RBPMS: variants seen among roughly 807,000 people sequenced by gnomAD.
RBPMS encodes the protein RNA binding protein, mRNA processing factor.
In RBPMS, 7 loss-of-function variants were observed where a neutral mutation model predicts 26.8. The ratio of observed to expected loss-of-function variants is 0.26; its 90% CI spans 0.15 to 0.49. RBPMS has a LOEUF of 0.49. RBPMS is among the 20% of genes least tolerant of loss of function. RBPMS has a pLI of 0.98. For missense variants in RBPMS, 186 were observed against 250.0 expected, an observed-to-expected ratio of 0.74 and a Z score of 1.73; for synonymous variants, 96 against 93.3, an observed-to-expected ratio of 1.03 and a Z score of -0.17.
intron 1 of RBPMS, among the ~76,000 whole-genome samples, chr8:30,422,163 T>TC (rs1810873758): frequency 6.6e-6 from 1 of 151,610 alleles, no homozygotes; most frequent in African/African-American, 2.4e-5. Context: ...TCTTGCTCTG[T>TC]CACCCAGGCT....
chr8:30,559,122 T>C (rs892270673), intron 7 of RBPMS, among the ~76,000 whole-genome samples, 166 bp downstream of exon 7: 2 of 152,236 alleles, frequency 1.3e-5, no homozygotes, highest in African/African-American at 4.8e-5. Context: ...GTGCATCTTT[T>C]CCGAGAGGAA....
intron 4 of RBPMS, among the ~76,000 whole-genome samples, chr8:30,497,965 A>G (rs1442470223): frequency 1.3e-5 from 2 of 151,424 alleles, no homozygotes; most frequent in African/African-American, 4.9e-5. Flanking sequence ...CTTGAGTTTC[A>G]TTGGCTGTGG....
intron 1 of RBPMS, among the ~76,000 whole-genome samples, chr8:30,417,006 G>A (rs1298493532): frequency 6.6e-6 from 1 of 152,150 alleles, no homozygotes; most frequent in Non-Finnish European, 1.5e-5. Context: ...CTGACCTCAA[G>A]TGATCCTGCC....
At chr8:30,485,793 G>T (rs1348863958) in intron 4 of RBPMS, among the ~76,000 whole-genome samples, 1 of 152,164 alleles carries the variant, frequency 6.6e-6, no homozygotes, top group African/African-American at 2.4e-5. Flanking sequence ...TAGTTAACAA[G>T]TGCCCAGTGT....
chr8:30,533,815 G>A (rs1824509975), intron 5 of RBPMS, among the ~76,000 whole-genome samples: 1 of 152,094 alleles, frequency 6.6e-6, no homozygotes, highest in South Asian at 2.1e-4. Context: ...AGAATGCCAG[G>A]TTAAATTATT....
At chr8:30,480,076 A>G (rs1023655854) in intron 4 of RBPMS, among the ~76,000 whole-genome samples, 1 of 152,234 alleles carries the variant, frequency 6.6e-6, no homozygotes, top group Non-Finnish European at 1.5e-5. Context: ...GGAAGGAAGC[A>G]GAATGTGGTT....
In RBPMS at chr8:30,433,217, C is replaced by CT. The variant is rs1424055961; in HGVS notation, c.67-41559dup. 3.9e-5 allele frequency among the ~76,000 whole-genome samples: 6 copies of CT among 152,202 alleles called. No homozygotes were observed. In the East Asian group the frequency reaches 1.2e-3, roughly 29 times the overall value. ...GTCATTACTAAAAGAGATTCCATTT[C>CT]TTTCTGGGGCCTAAGTTAAGATGAC... On this transcript the variant is annotated intron_variant, in intron 1 of 8. Transcript: ENST00000397323.
chr8:30,556,445 G>T, intron 6 of RBPMS: 1 of 985,872 alleles, frequency 1.0e-6, no homozygotes, highest in Non-Finnish European at 1.2e-6. Context: ...CCTTCTCGCA[G>T]TCACCTGCAC....
chr8:30,531,326 G>A (rs1824202473), intron 5 of RBPMS, among the ~76,000 whole-genome samples: 1 of 140,744 alleles, frequency 7.1e-6, no homozygotes, highest in Admixed American at 7.5e-5. Flanking sequence ...CCAAAGATCT[G>A]AAGTCATGCC....
At chr8:30,511,510 TATATATATATATATA>T in intron 5 of RBPMS, among the ~76,000 whole-genome samples, 1 of 8,922 alleles carries the variant, frequency 1.1e-4, no homozygotes, top group African/African-American at 1.7e-4. Context: ...TATATATATA[TATATATATATATATA>T]TTTCTGTGTG....
chr8:30,516,074 A>C (rs1373577175), intron 5 of RBPMS, among the ~76,000 whole-genome samples: 2 of 152,206 alleles, frequency 1.3e-5, no homozygotes, highest in African/African-American at 2.4e-5. Context: ...TTCTGGTCCT[A>C]ATAATTTAAA....
intron 1 of RBPMS, among the ~76,000 whole-genome samples, chr8:30,451,847 T>C (rs1814623763): frequency 6.6e-6 from 1 of 152,144 alleles, no homozygotes; most frequent in Non-Finnish European, 1.5e-5. Flanking sequence ...GGCAGGCAAA[T>C]AGAACAGTGT....
chr8:30,522,611 G>T (rs1259763692), intron 5 of RBPMS, among the ~76,000 whole-genome samples: 2 of 152,164 alleles, frequency 1.3e-5, no homozygotes, highest in South Asian at 2.1e-4. Flanking sequence ...TTTTTAAAAA[G>T]GATAGGAGGA....
At chr8:30,501,518 T>C (rs947334457) in intron 4 of RBPMS, among the ~76,000 whole-genome samples, 17 of 152,266 alleles carry the variant, frequency 1.1e-4, no homozygotes, top group Admixed American at 1.1e-3. Flanking sequence ...CTGTAGATTA[T>C]ATGGAACCTG....
intron 1 of RBPMS, among the ~76,000 whole-genome samples, chr8:30,439,602 CCCCTCTTGCTT>C (rs1036656889): frequency 6.6e-6 from 1 of 151,916 alleles, no homozygotes; most frequent in African/African-American, 2.4e-5. Flanking sequence ...TCCCCCACAC[CCCCTCTTGCTT>C]CCCTCTTGCT....
intron 6 of RBPMS, chr8:30,555,871 TACC>T: frequency 1.0e-6 from 1 of 985,370 alleles, no homozygotes; most frequent in Non-Finnish European, 1.2e-6. Flanking sequence ...CTCTCCTCAT[TACC>T]CCCACACAGT....
chr8:30,478,317 A>G (rs1817908074), intron 3 of RBPMS, among the ~76,000 whole-genome samples: 1 of 151,996 alleles, frequency 6.6e-6, no homozygotes, highest in African/African-American at 2.4e-5. Context: ...AAGCTTAGAG[A>G]TTGTAGCTAT....
At chr8:30,516,959 T>C (rs1447517780) in intron 5 of RBPMS, among the ~76,000 whole-genome samples, 1 of 146,294 alleles carries the variant, frequency 6.8e-6, no homozygotes, top group Non-Finnish European at 1.5e-5. Context: ...ATTGATTTTT[T>C]TAATAATATA....
intron 1 of RBPMS, among the ~76,000 whole-genome samples, chr8:30,438,069 A>G (rs1340852543): frequency 1.3e-5 from 2 of 152,210 alleles, no homozygotes; most frequent in Non-Finnish European, 1.5e-5. Flanking sequence ...ATTCATTCCT[A>G]TCTTCCCCTT....
Sources: gnomAD v4.1 joint callset for allele counts (sites outside exome capture counted in the v4.1 genomes callset) on GRCh38, gnomAD v4.1.1 for gene constraint, MANE v1.5 for transcripts, NCBI Gene and HGNC (gene_info 2026-07-23, HGNC 2026-07-21) for gene names.